ADCY9: variants seen among roughly 807,000 people sequenced by gnomAD.
The protein encoded by ADCY9 is adenylate cyclase 9, also known as adenylate cyclase type 9.
ADCY9 carries 50 observed loss-of-function variants against 101.5 expected under a neutral mutation model. The observed-to-expected ratio is 0.49, with a 90% CI of 0.39 to 0.62. The LOEUF (loss-of-function observed/expected upper bound fraction) is 0.62. Among genes scored for constraint, ADCY9 ranks in the 20% least tolerant of loss-of-function variants. The pLI is 0.00. For synonymous variants in ADCY9, 905 were observed against 769.3 expected, an observed-to-expected ratio of 1.18 and a Z score of -2.92; for missense variants, 1,662 against 1,800.4, an observed-to-expected ratio of 0.92 and a Z score of 1.39.
In ADCY9 at chr16:3,966,216, C is replaced by G; in HGVS notation, c.3621G>C (p.Gln1207His). The change falls in exon 11 of 11, where the codon CAG (glutamine) becomes CAC (histidine). Residue 1207 changes from glutamine (Q) to histidine (H), a missense_variant. This residue lies in a region of ADCY9 where 220 missense variants were observed against 312.9 expected (regional missense o/e 0.70). Coordinates refer to ENST00000294016, the MANE Select transcript of ADCY9 (RefSeq NM_001116.4). ...MDTTGVECRI[Q>H]VSEESYRVLS... ...AGACGCGGTAGCTCTCTTCGCTCACCTGGATGCGGCACTCCACGCCGGTGG... is the reference window on the plus strand; with the variant it reads ...AGACGCGGTAGCTCTCTTCGCTCACGTGGATGCGGCACTCCACGCCGGTGG... 6.2e-7 allele frequency: 1 copy of G among 1,614,228 alleles called. No homozygotes were observed. Among genetic ancestry groups the G allele is most frequent in the Non-Finnish European group, 8.5e-7 (1 of 1,180,048 alleles).
intron 9 of ADCY9, among the ~76,000 whole-genome samples, chr16:3,976,451 G>A (rs1212781078): frequency 6.6e-6 from 1 of 152,042 alleles, no homozygotes; most frequent in African/African-American, 2.4e-5. Flanking sequence ...ATGAGAACTG[G>A]GCTTGTCCCC....
intron 2 of ADCY9, among the ~76,000 whole-genome samples, chr16:4,045,820 G>T (rs75401317): frequency 0.35 from 51,759 of 148,030 alleles, 10,807 homozygotes; most frequent in East Asian, 0.49. Flanking sequence ...CACCTCAGCC[G>T]CCCGAGTAGC....
In ADCY9 at chr16:4,097,549, ATATATTTTTT is replaced by A. The variant is rs1217738795; in HGVS notation, c.1693+16191_1693+16200del. 9.2e-3 allele frequency among the ~76,000 whole-genome samples: 443 copies of A among 48,216 alleles called. 7 individuals carry two copies. The highest frequency in any genetic ancestry group is 0.048 in the African/African-American group (424 of 8,858). The allele number at this position is 48,216 out of a possible 152,430, so 31.6% of individuals were successfully genotyped here. A position where few individuals can be genotyped will look rare whatever the true frequency, so the allele number is the denominator to read the frequency against. The stretch of plus-strand genomic sequence containing the variant: ...TGTACATATATATATATATATATAT[ATATATTTTTT>A]TTTTTTTTTTTTAAGACAGAGTCTT... On this transcript the variant is annotated intron_variant, in intron 2 of 10. Coordinates refer to ENST00000294016, the MANE Select transcript of ADCY9 (RefSeq NM_001116.4).
At chr16:4,008,088 TC>T (rs1489178194) in intron 2 of ADCY9, among the ~76,000 whole-genome samples, 1 of 151,800 alleles carries the variant, frequency 6.6e-6, no homozygotes, top group Admixed American at 6.6e-5. Context: ...CTCCCCAGAC[TC>T]AGAGCTGTTG....
chr16:4,105,480 T>C (rs1246707655), intron 2 of ADCY9, among the ~76,000 whole-genome samples: 1 of 151,298 alleles, frequency 6.6e-6, no homozygotes, highest in Non-Finnish European at 1.5e-5. Flanking sequence ...GACACCAGCC[T>C]GGCCAACATG....
At chr16:4,052,787 T>C (rs573623967) in intron 2 of ADCY9, among the ~76,000 whole-genome samples, 61 of 152,330 alleles carry the variant, frequency 4.0e-4, no homozygotes, top group Admixed American at 7.8e-4. Context: ...TGTGGCTTTT[T>C]CTACAATACT....
rs1390123544 is a variant in ADCY9, at chr16:4,093,216, ACCAT to A, written c.1693+20530_1693+20533del. 7.2e-5 allele frequency among the ~76,000 whole-genome samples: 11 copies of A among 152,352 alleles called. No individual in the cohort carries two copies. In the East Asian group the frequency reaches 1.7e-3, roughly 24 times the overall value. ...AATCCTCTGCTCTTCAGAAAACTCA[ACCAT>A]CCAGAAAGTGCTATCACTGACATTT... On this transcript the variant is annotated intron_variant, in intron 2 of 10. Transcript: ENST00000294016.
chr16:3,999,785 A>G (rs558581651), intron 3 of ADCY9, among the ~76,000 whole-genome samples: 1 of 152,208 alleles, frequency 6.6e-6, no homozygotes, highest in East Asian at 1.9e-4. Context: ...GAGTGTAGCC[A>G]TTTCTCTAAC....
chr16:3,997,067 G>A (rs931005506), intron 3 of ADCY9, among the ~76,000 whole-genome samples: 9 of 152,114 alleles, frequency 5.9e-5, no homozygotes, highest in Admixed American at 2.6e-4. Context: ...GTTTCACCAC[G>A]TTGGTCAGGC....
At chr16:4,058,543 C>T (rs1275854396) in intron 2 of ADCY9, among the ~76,000 whole-genome samples, 1 of 151,958 alleles carries the variant, frequency 6.6e-6, no homozygotes, top group East Asian at 1.9e-4. Context: ...GCCCGGAACC[C>T]CATGCTACAC....
chr16:4,005,505 A>G (rs1330020576), intron 3 of ADCY9, among the ~76,000 whole-genome samples: 1 of 152,228 alleles, frequency 6.6e-6, no homozygotes, highest in Non-Finnish European at 1.5e-5. Context: ...CCAGGATTAC[A>G]GGCGTGAGCC....
At chr16:4,036,487 C>T (rs1323291112) in intron 2 of ADCY9, among the ~76,000 whole-genome samples, 1 of 94,270 alleles carries the variant, frequency 1.1e-5, no homozygotes, top group African/African-American at 4.0e-5. Flanking sequence ...TTTTTTGAGA[C>T]AATCTCGCTC....
chr16:3,958,691 T>TGA (rs2055921538), downstream of ADCY9, among the ~76,000 whole-genome samples: 1 of 145,188 alleles, frequency 6.9e-6, no homozygotes, highest in African/African-American at 2.6e-5. Context: ...TTTTTTTTTT[T>TGA]GAGAGAATCT....
At chr16:3,998,018 C>T (rs1249926142) in intron 3 of ADCY9, among the ~76,000 whole-genome samples, 5 of 152,128 alleles carry the variant, frequency 3.3e-5, no homozygotes, top group African/African-American at 7.2e-5. Flanking sequence ...CGCTTGGACC[C>T]GGGAGGCGGA....
chr16:4,005,628 T>C (rs543327638), intron 3 of ADCY9, among the ~76,000 whole-genome samples: 1 of 152,286 alleles, frequency 6.6e-6, no homozygotes, highest in East Asian at 1.9e-4. Context: ...TTTTGCTCAT[T>C]CCGACCAAAA....
intron 2 of ADCY9, among the ~76,000 whole-genome samples, chr16:4,085,293 C>T (rs8043565): frequency 0.46 from 69,844 of 151,792 alleles, 16,386 homozygotes; most frequent in Admixed American, 0.54. Context: ...GCCTGGGACG[C>T]AGAGATTGCC....
intron 2 of ADCY9, among the ~76,000 whole-genome samples, chr16:4,102,933 G>A (rs936897028): frequency 6.6e-6 from 1 of 152,050 alleles, no homozygotes; most frequent in African/African-American, 2.4e-5. Flanking sequence ...TGTTGGCCAG[G>A]CTGGTCTCCA....
chr16:4,037,788 C>A (rs2056599362), intron 2 of ADCY9, among the ~76,000 whole-genome samples: 1 of 152,158 alleles, frequency 6.6e-6, no homozygotes, highest in South Asian at 2.1e-4. Flanking sequence ...TGAGCGGAGA[C>A]CTGTACTACA....
intron 2 of ADCY9, among the ~76,000 whole-genome samples, chr16:4,093,228 G>A (rs1443717749): frequency 6.6e-6 from 1 of 152,178 alleles, no homozygotes. Context: ...CATCCAGAAA[G>A]TGCTATCACT....
Sources: allele counts gnomAD v4.1 joint callset (sites outside exome capture counted in the v4.1 genomes callset), GRCh38; gene constraint gnomAD v4.1.1; regional missense constraint gnomAD v4.1.1; transcripts MANE v1.5; gene names NCBI Gene and HGNC (gene_info 2026-07-23, HGNC 2026-07-21).